The following MYO1E variants were observed in gnomAD, a reference collection of about 807,000 sequenced individuals.
MYO1E encodes the protein unconventional myosin-Ie.
Under a neutral mutation model 151.1 loss-of-function variants are expected in MYO1E, and 68 were observed. That is an observed-to-expected ratio of 0.45 (90% CI 0.37 to 0.55). The LOEUF (loss-of-function observed/expected upper bound fraction) is 0.55. Among genes scored for constraint, MYO1E ranks in the 20% least tolerant of loss-of-function variants. The probability of loss-of-function intolerance (pLI) is 0.00; values close to 1 mark genes in which losing one functional copy is unlikely to be tolerated. For missense variants in MYO1E, 1,363 were observed against 1,389.3 expected, an observed-to-expected ratio of 0.98 and a Z score of 0.30; for synonymous variants, 601 against 501.7, an observed-to-expected ratio of 1.20 and a Z score of -2.64.
intron 7 of MYO1E, among the ~76,000 whole-genome samples, chr15:59,225,803 C>T (rs576852009): frequency 2.0e-5 from 3 of 152,032 alleles, no homozygotes; most frequent in African/African-American, 7.2e-5. Context: ...CCCACCACCA[C>T]GGCCAGCTAA....
At chr15:59,337,569 G>A (rs2080736942) in intron 1 of MYO1E, among the ~76,000 whole-genome samples, 2 of 152,188 alleles carry the variant, frequency 1.3e-5, no homozygotes, top group East Asian at 1.9e-4. Flanking sequence ...AGTGGCTCAC[G>A]CCTGTAATCC....
At chr15:59,186,134 G>A (rs895723245) in intron 18 of MYO1E, among the ~76,000 whole-genome samples, 2 of 152,100 alleles carry the variant, frequency 1.3e-5, no homozygotes, top group Admixed American at 6.5e-5. Flanking sequence ...GCGTACTGAC[G>A]TCTTTAATTC....
At chr15:59,372,040 G>A (rs1342790574) in intron 1 of MYO1E, among the ~76,000 whole-genome samples, 16 of 150,272 alleles carry the variant, frequency 1.1e-4, no homozygotes, top group Non-Finnish European at 3.0e-5. Flanking sequence ...GGAGGAGAGG[G>A]AGTCGGCGCG....
chr15:59,211,289 C>T (rs777025450), intron 12 of MYO1E, among the ~76,000 whole-genome samples: 13 of 152,034 alleles, frequency 8.6e-5, no homozygotes, highest in Non-Finnish European at 1.6e-4. Flanking sequence ...ATGAGTTGCT[C>T]ATTTAACTTG....
intron 7 of MYO1E, among the ~76,000 whole-genome samples, chr15:59,225,771 T>C (rs1209019243): frequency 1.3e-5 from 2 of 151,702 alleles, no homozygotes; most frequent in African/African-American, 2.4e-5. Flanking sequence ...CTCAGCCTCC[T>C]GAGTAGCTGG....
At chr15:59,186,405 T>TAAA (rs71425847) in intron 18 of MYO1E, among the ~76,000 whole-genome samples, 4 of 142,194 alleles carry the variant, frequency 2.8e-5, no homozygotes, top group Middle Eastern at 3.5e-3. Flanking sequence ...ATCTGAATTT[T>TAAA]AAAAAAAAAA....
rs151200457 is a variant in MYO1E, at chr15:59,292,273, G to A, written c.4-19824C>T. On this transcript the variant is annotated intron_variant, in intron 1 of 27. Transcript: ENST00000288235. The stretch of plus-strand genomic sequence containing the variant: ...CAGTTTTGTTTCAAACACACCCAAT[G>A]GGTGTTTCCCTTGTCTCCAAATGAA... Among the ~76,000 whole-genome samples the A allele has an allele frequency of 1.5e-4, 23 of 152,210 alleles. No individual in the cohort carries two copies. In the East Asian group the frequency reaches 4.1e-3, roughly 27 times the overall value.
rs559350667 is a variant in MYO1E at position 59,146,081 on chromosome 15, A to G, written c.3080+7509T>C. ...GATGCCCAGGCTGGGGTACAATGATATGATCATACCTCACTGCAGTCTTGA... is the reference window on the plus strand; with the variant it reads ...GATGCCCAGGCTGGGGTACAATGATGTGATCATACCTCACTGCAGTCTTGA... On this transcript the variant is annotated intron_variant, in intron 26 of 27. Transcript: ENST00000288235. 2.4e-4 allele frequency among the ~76,000 whole-genome samples: 36 copies of G among 152,298 alleles called. No homozygotes were observed. The South Asian group carries it at 5.0e-3, about 21-fold the overall frequency.
At chr15:59,284,200 C>T (rs2080373758) in intron 1 of MYO1E, among the ~76,000 whole-genome samples, 1 of 152,240 alleles carries the variant, frequency 6.6e-6, no homozygotes, top group Non-Finnish European at 1.5e-5. Context: ...TACACTGACT[C>T]ACCTCACAAC....
chr15:59,240,319 G>C (rs1030710976), intron 4 of MYO1E, among the ~76,000 whole-genome samples: 1 of 152,158 alleles, frequency 6.6e-6, no homozygotes, highest in Non-Finnish European at 1.5e-5. Context: ...TTAAATCAAA[G>C]TCATAACAGA....
chr15:59,274,716 T>C (rs1366617354), intron 1 of MYO1E, among the ~76,000 whole-genome samples: 1 of 152,226 alleles, frequency 6.6e-6, no homozygotes, highest in Non-Finnish European at 1.5e-5. Flanking sequence ...TTTGTCTCAG[T>C]ATCAAACCCA....
At chr15:59,233,770 T>A (rs1178898912) in intron 5 of MYO1E, among the ~76,000 whole-genome samples, 1 of 150,148 alleles carries the variant, frequency 6.7e-6, no homozygotes, top group African/African-American at 2.4e-5. Context: ...GAAAAGCAAG[T>A]GGACTGAACC....
chr15:59,227,250 C>T (rs1467154006), intron 7 of MYO1E, among the ~76,000 whole-genome samples: 1 of 152,192 alleles, frequency 6.6e-6, no homozygotes, highest in Non-Finnish European at 1.5e-5. Flanking sequence ...GATGATTTAG[C>T]TTTGGAGGAA....
In MYO1E at chr15:59,135,877, G is replaced by T. The variant is rs533856760; in HGVS notation, c.*1503C>A. The T allele has an allele frequency of 6.6e-6, 1 of 152,260 alleles. No homozygotes were observed. The highest frequency in any genetic ancestry group is 1.9e-4 in the East Asian group (1 of 5,182). 9.4% of individuals were successfully genotyped at this position (152,260 alleles called of 1,614,324 possible). A position where few individuals can be genotyped will look rare whatever the true frequency, so the allele number is the denominator to read the frequency against. On this transcript the variant is annotated 3_prime_UTR_variant, in exon 28 of 28. Coordinates refer to ENST00000288235, the MANE Select transcript of MYO1E (RefSeq NM_004998.4). Reference sequence around the variant, plus strand: ...ACTTACAACCATTCCATTATTGATGGGCATTACACTGATTCCAGCTTTTCA... The same window carrying T: ...ACTTACAACCATTCCATTATTGATGTGCATTACACTGATTCCAGCTTTTCA...
chr15:59,241,565 T>A (rs1457780499), intron 4 of MYO1E, among the ~76,000 whole-genome samples: 2 of 151,886 alleles, frequency 1.3e-5, no homozygotes, highest in Non-Finnish European at 2.9e-5. Context: ...TAGCCAGGTG[T>A]GGTGGCATGC....
At chr15:59,206,455 T>C (rs1464350132) in intron 14 of MYO1E, among the ~76,000 whole-genome samples, 1 of 152,154 alleles carries the variant, frequency 6.6e-6, no homozygotes, top group Non-Finnish European at 1.5e-5. Flanking sequence ...TCCAGCGCCA[T>C]AGACCAGAAA....
chr15:59,182,454 C>G (rs1316272086), intron 18 of MYO1E, among the ~76,000 whole-genome samples: 4 of 152,192 alleles, frequency 2.6e-5, no homozygotes, highest in Non-Finnish European at 5.9e-5. Context: ...CTGAGGTGAT[C>G]TGCCCACTGC....
chr15:59,162,102 T>C (rs940846950), intron 23 of MYO1E, among the ~76,000 whole-genome samples: 1 of 152,180 alleles, frequency 6.6e-6, no homozygotes, highest in Non-Finnish European at 1.5e-5. Context: ...AGTGGTGCGG[T>C]CTCAGCTCAC....
At chr15:59,157,944 A>G (rs1380218917) in intron 25 of MYO1E, among the ~76,000 whole-genome samples, 2 of 152,170 alleles carry the variant, frequency 1.3e-5, no homozygotes, top group African/African-American at 4.8e-5. Flanking sequence ...GTAAACTCCT[A>G]TTTCCATAAA....
Sources: allele counts gnomAD v4.1 joint callset (sites outside exome capture counted in the v4.1 genomes callset), GRCh38; gene constraint gnomAD v4.1.1; transcripts MANE v1.5; gene names NCBI Gene and HGNC (gene_info 2026-07-23, HGNC 2026-07-21).